Variants in CHD8 observed in about 807,000 individuals in gnomAD.
The protein encoded by CHD8 is chromodomain helicase DNA binding protein 8.
CHD8 carries 31 observed loss-of-function variants against 279.2 expected under a neutral mutation model. The ratio of observed to expected loss-of-function variants is 0.11; its 90% CI spans 0.08 to 0.15. The LOEUF (loss-of-function observed/expected upper bound fraction) is 0.15. CHD8 is among the 10% of genes least tolerant of loss of function. CHD8 has a pLI of 1.00. For synonymous variants in CHD8, 1,081 were observed against 1,139.6 expected (o/e 0.95, Z 1.04); for missense variants, 2,146 against 3,230.5 (o/e 0.66, Z 8.14).
At chr14:21,453,105 T>A (rs1348789689) in intron 1 of CHD8, among the ~76,000 whole-genome samples, 1 of 151,636 alleles carries the variant, frequency 6.6e-6, no homozygotes, top group Non-Finnish European at 1.5e-5. Flanking sequence ...GCCGAGGAGT[T>A]CAAGACCAGC....
Position 21,385,423 on chromosome 14 carries a change from G to T in CHD8, c.*190C>A. 1 of 911,968 alleles carries T rather than the reference G, an allele frequency of 1.1e-6. No homozygotes were observed. The highest frequency in any genetic ancestry group is 1.6e-6 in the Non-Finnish European group (1 of 630,414). 56.5% of individuals were successfully genotyped at this position (911,968 alleles called of 1,614,324 possible). The stretch of plus-strand genomic sequence containing the variant: ...GAAGTGGTCATGTATTATTTTAGGA[G>T]TTCCCCTGCCCACCCAATCCTCTCA... On this transcript the variant is annotated 3_prime_UTR_variant, in exon 38 of 38. Transcript: ENST00000646647.
chr14:21,427,306 T>C (rs539301872), intron 4 of CHD8: 4 of 463,980 alleles, frequency 8.6e-6, no homozygotes, highest in Non-Finnish European at 1.2e-5. Context: ...CCCATCCCAA[T>C]AGCAAGGAGC....
At chr14:21,434,233 C>G (rs1889682424) in intron 1 of CHD8, among the ~76,000 whole-genome samples, 1 of 151,948 alleles carries the variant, frequency 6.6e-6, no homozygotes, top group Non-Finnish European at 1.5e-5. Flanking sequence ...TTAGTAGAGA[C>G]AGGTTTTCGC....
intron 1 of CHD8, among the ~76,000 whole-genome samples, chr14:21,435,567 T>A (rs1374999944): frequency 6.6e-6 from 1 of 152,198 alleles, no homozygotes; most frequent in African/African-American, 2.4e-5. Context: ...TTTGTTTTAA[T>A]TCTACCCTAT....
intron 1 of CHD8, among the ~76,000 whole-genome samples, chr14:21,451,922 C>G (rs1890266046): frequency 6.6e-6 from 1 of 152,070 alleles, no homozygotes. Flanking sequence ...AAGAGGTGGA[C>G]TTATTTTACA....
chr14:21,414,489 G>A, intron 8 of CHD8, 71 bp from the exon 9 acceptor site: 1 of 813,246 alleles, frequency 1.2e-6, no homozygotes, highest in Non-Finnish European at 2.0e-6. Context: ...TGAAATTTTG[G>A]GATTAGTCAG....
intron 37 of CHD8, among the ~76,000 whole-genome samples, chr14:21,388,167 G>T (rs934899756): frequency 7.2e-5 from 11 of 152,116 alleles, no homozygotes; most frequent in African/African-American, 2.7e-4. Flanking sequence ...TTTCAAACTT[G>T]TTAAATGCAA....
In CHD8 at chr14:21,395,027, T is replaced by A; in HGVS notation, c.5275A>T (p.Ser1759Cys). ...LRRLVTAYQRSYKREQMKIEA... is the reference protein window; with the variant it reads ...LRRLVTAYQRCYKREQMKIEA... Reference sequence around the variant, plus strand: ...ATCTTCATTTGTTCTCTCTTGTAGCTGCGCTGATACGCTGTTACTAGACGC... The same window carrying A: ...ATCTTCATTTGTTCTCTCTTGTAGCAGCGCTGATACGCTGTTACTAGACGC... The change falls in exon 30 of 38, where the codon AGC becomes TGC. Residue 1759 changes from serine to cysteine, a missense_variant. Physicochemically the swap from Ser to Cys is moderately radical, Grantham distance 112. Transcript: ENST00000646647. 2 of 1,614,062 alleles carry A rather than the reference T, an allele frequency of 1.2e-6. No individual in the cohort carries two copies. The highest frequency in any genetic ancestry group is 2.2e-5 in the South Asian group (2 of 91,086).
chr14:21,434,043 T>C (rs1013808439), intron 1 of CHD8, among the ~76,000 whole-genome samples: 45 of 128,500 alleles, frequency 3.5e-4, no homozygotes, highest in East Asian at 7.8e-4. Flanking sequence ...AAGTTTCTTT[T>C]TTTTTTTTTT....
chr14:21,452,381 G>A (rs1054220508), intron 1 of CHD8, among the ~76,000 whole-genome samples: 17 of 151,878 alleles, frequency 1.1e-4, no homozygotes, highest in Non-Finnish European at 2.1e-4. Flanking sequence ...GGTGGCTCAC[G>A]CTTGTAATCC....
intron 1 of CHD8, among the ~76,000 whole-genome samples, chr14:21,438,450 A>G (rs547041830): frequency 1.3e-5 from 2 of 150,574 alleles, no homozygotes; most frequent in African/African-American, 4.9e-5. Flanking sequence ...CGAGGTGGGC[A>G]GATCGCTTGT....
chr14:21,440,755 G>C (rs562280154), intron 1 of CHD8, among the ~76,000 whole-genome samples: 54 of 152,316 alleles, frequency 3.5e-4, no homozygotes, highest in African/African-American at 1.3e-3. Flanking sequence ...AGAGCGTGGA[G>C]AGCCTTGAAT....
Position 21,414,996 on chromosome 14 carries a change from A to C in CHD8, c.1969-3T>G. 1 of 1,577,144 alleles carries C rather than the reference A, an allele frequency of 6.3e-7. No homozygotes were observed. Among genetic ancestry groups the C allele is most frequent in the African/African-American group, 1.3e-5 (1 of 74,268 alleles). On this transcript the variant is annotated splice_region_variant and splice_polypyrimidine_tract_variant and intron_variant, in intron 7 of 37. Coordinates refer to ENST00000646647, the MANE Select transcript of CHD8 (RefSeq NM_001170629.2). ...TCAGTATATTGTCCAGAAGGGAGCT[A>C]AGAAAAAAGAAATAAATTAGTCACT...
At position 21,427,874 on chromosome 14, in the gene CHD8, C is replaced by T. The variant is rs1348144490; in HGVS notation, c.1596G>A (p.Lys532=). The part of the protein sequence containing the change: ...SGASKTKGKS[K]LNTITPVVGK... The stretch of plus-strand genomic sequence containing the variant: ...CAGTAGCAAGGAGTACTCACTTGAG[C>T]TTGCTCTTGCCCTTTGTTTTGGAGG... Residue 532 remains lysine (K), a synonymous_variant, in exon 4 of 38, where the codon AAG becomes AAA. Coordinates refer to ENST00000646647, the MANE Select transcript of CHD8 (RefSeq NM_001170629.2). 1 of 1,613,662 alleles carries T rather than the reference C, an allele frequency of 6.2e-7. No homozygotes were observed. The highest frequency in any genetic ancestry group is 1.3e-5 in the African/African-American group (1 of 74,906).
intron 2 of CHD8, 140 bp from the exon 3 acceptor site, chr14:21,429,475 C>G: frequency 1.1e-6 from 1 of 905,492 alleles, no homozygotes; most frequent in Non-Finnish European, 1.8e-6. Flanking sequence ...GTTCATCATC[C>G]TATCTGTCTT....
At chr14:21,387,294 T>C (rs1887295043) in intron 37 of CHD8, among the ~76,000 whole-genome samples, 1 of 151,428 alleles carries the variant, frequency 6.6e-6, no homozygotes, top group Admixed American at 6.6e-5. Flanking sequence ...AAGACCACCC[T>C]GGCCAACATA....
intron 5 of CHD8, among the ~76,000 whole-genome samples, chr14:21,417,865 A>AAAAT (rs1491406256): frequency 2.4e-4 from 24 of 98,374 alleles, no homozygotes; most frequent in African/African-American, 8.5e-4. Context: ...AAAAAAAAAA[A>AAAAT]ATATATATAT....
chr14:21,443,727 G>A (rs1049310672), intron 1 of CHD8, among the ~76,000 whole-genome samples: 1 of 151,380 alleles, frequency 6.6e-6, no homozygotes, highest in African/African-American at 2.4e-5. Flanking sequence ...GTGGTGGTGG[G>A]CGCCTGTATT....
chr14:21,410,116 G>T, intron 10 of CHD8, 128 bp from the exon 11 acceptor site: 2 of 829,724 alleles, frequency 2.4e-6, no homozygotes, highest in Non-Finnish European at 3.5e-6. Flanking sequence ...AAAAAGTCAG[G>T]CCAAACACAT....
Sources: gnomAD v4.1 joint callset for allele counts (sites outside exome capture counted in the v4.1 genomes callset) on GRCh38, gnomAD v4.1.1 for gene constraint, MANE v1.5 for transcripts, NCBI Gene and HGNC (gene_info 2026-07-23, HGNC 2026-07-21) for gene names.